NTNG1: variants seen among roughly 807,000 people sequenced by gnomAD.
NTNG1 encodes the protein netrin G1.
A neutral mutation model predicts 54.0 loss-of-function variants in NTNG1; 16 were observed. The observed-to-expected ratio is 0.30, with a 90% confidence interval of 0.20 to 0.45. The LOEUF is 0.45. Ranked by LOEUF, NTNG1 falls within the 20% of genes least tolerant of loss-of-function variation. NTNG1 has a pLI of 1.00. For synonymous variants in NTNG1, 255 were observed against 263.1 expected (o/e 0.97, Z 0.30); for missense variants, 530 against 678.7 (o/e 0.78, Z 2.43).
intron 3 of NTNG1, among the ~76,000 whole-genome samples, chr1:107,384,696 T>C (rs1184278181): frequency 6.6e-6 from 1 of 152,202 alleles, no homozygotes; most frequent in Non-Finnish European, 1.5e-5. Flanking sequence ...TCAAGAACTC[T>C]ATGGAAACCT....
intron 2 of NTNG1, among the ~76,000 whole-genome samples, chr1:107,267,968 A>T (rs1316053747): frequency 6.6e-6 from 1 of 152,130 alleles, no homozygotes; most frequent in Non-Finnish European, 1.5e-5. Context: ...ACTGTGGATA[A>T]ATTGTCCCCA....
chr1:107,182,928 T>A (rs1189116917), intron 2 of NTNG1, among the ~76,000 whole-genome samples: 3 of 152,054 alleles, frequency 2.0e-5, no homozygotes, highest in African/African-American at 7.2e-5. Context: ...AATCACAACA[T>A]CCAAAAATGA....
At chr1:107,294,016 G>C (rs569224140) in intron 2 of NTNG1, among the ~76,000 whole-genome samples, 27 of 152,260 alleles carry the variant, frequency 1.8e-4, no homozygotes, top group African/African-American at 5.5e-4. Context: ...GAGTAAATCA[G>C]ACAGGCAGCA....
chr1:107,455,857 T>C (rs184732338), intron 7 of NTNG1, among the ~76,000 whole-genome samples: 2 of 152,330 alleles, frequency 1.3e-5, no homozygotes, highest in South Asian at 2.1e-4. Context: ...ACACCCTGTC[T>C]CAGCTCCATG....
chr1:107,233,917 TG>T (rs1661228587), intron 2 of NTNG1, among the ~76,000 whole-genome samples: 1 of 152,224 alleles, frequency 6.6e-6, no homozygotes, highest in Admixed American at 6.5e-5. Context: ...ACAGGATTTT[TG>T]TTTCAGAATA....
chr1:107,305,046 T>A (rs1164873260), intron 2 of NTNG1, among the ~76,000 whole-genome samples: 1 of 152,190 alleles, frequency 6.6e-6, no homozygotes, highest in African/African-American at 2.4e-5. Context: ...TTTATCCATG[T>A]CCCTGCAAAA....
intron 2 of NTNG1, among the ~76,000 whole-genome samples, chr1:107,267,714 C>T (rs1663845088): frequency 1.3e-5 from 2 of 152,140 alleles, no homozygotes; most frequent in South Asian, 4.1e-4. Context: ...AGCAATTAGC[C>T]CCTGGCTGCC....
chr1:107,431,031 A>G, intron 6 of NTNG1, 114 bp downstream of exon 6: 1 of 845,954 alleles, frequency 1.2e-6, no homozygotes, highest in Non-Finnish European at 1.8e-6. Context: ...GAACTTTCTC[A>G]ATGTAGAAAA....
intron 2 of NTNG1, among the ~76,000 whole-genome samples, chr1:107,185,935 T>C (rs1328814866): frequency 6.6e-6 from 1 of 152,130 alleles, no homozygotes; most frequent in African/African-American, 2.4e-5. Flanking sequence ...TTATATTCCA[T>C]AGTGGTGAAG....
chr1:107,432,737 A>T (rs1417539115), intron 6 of NTNG1, among the ~76,000 whole-genome samples: 1 of 152,186 alleles, frequency 6.6e-6, no homozygotes, highest in African/African-American at 2.4e-5. Flanking sequence ...ATGTTTTATA[A>T]TATTTAATAT....
chr1:107,402,840 T>C (rs1433834267), intron 4 of NTNG1, among the ~76,000 whole-genome samples: 1 of 152,182 alleles, frequency 6.6e-6, no homozygotes, highest in Non-Finnish European at 1.5e-5. Context: ...AGTCTGGCTA[T>C]AAGATCTAGT....
intron 2 of NTNG1, among the ~76,000 whole-genome samples, chr1:107,219,948 C>T (rs898722391): frequency 9.2e-5 from 14 of 152,070 alleles, no homozygotes; most frequent in South Asian, 4.2e-4. Context: ...TGGGTGGGGC[C>T]ATAGAGCTCC....
At chr1:107,308,591 C>T (rs1195983851) in intron 2 of NTNG1, among the ~76,000 whole-genome samples, 1 of 152,066 alleles carries the variant, frequency 6.6e-6, no homozygotes, top group Admixed American at 6.6e-5. Flanking sequence ...AGTGTGATGC[C>T]TCCAGATTCG....
At chr1:107,325,847 C>A (rs1020641755) in intron 3 of NTNG1, among the ~76,000 whole-genome samples, 1 of 151,908 alleles carries the variant, frequency 6.6e-6, no homozygotes, top group African/African-American at 2.4e-5. Context: ...GTAAAAAGGC[C>A]AAGATATCTT....
At chr1:107,354,575 T>A (rs992091924) in intron 3 of NTNG1, among the ~76,000 whole-genome samples, 1 of 151,996 alleles carries the variant, frequency 6.6e-6, no homozygotes, top group Non-Finnish European at 1.5e-5. Context: ...AGCGCTCAGC[T>A]GCATCCATGG....
intron 2 of NTNG1, among the ~76,000 whole-genome samples, chr1:107,199,591 T>A (rs1253601622): frequency 6.6e-6 from 1 of 151,936 alleles, no homozygotes; most frequent in Non-Finnish European, 1.5e-5. Context: ...GTGTTAATTC[T>A]GAAAAGCGAT....
intron 5 of NTNG1, among the ~76,000 whole-genome samples, chr1:107,426,696 T>C (rs1024325863): frequency 3.9e-5 from 6 of 152,020 alleles, no homozygotes; most frequent in Non-Finnish European, 7.4e-5. Context: ...AACTTCAGGA[T>C]TGGTTTTTCT....
At chr1:107,337,438 G>A (rs1375963440) in intron 3 of NTNG1, among the ~76,000 whole-genome samples, 1 of 151,926 alleles carries the variant, frequency 6.6e-6, no homozygotes, top group African/African-American at 2.4e-5. Context: ...AAGTATAATG[G>A]TGACTGCCAG....
rs185883481 is a variant in NTNG1 at position 107,206,310 on chromosome 1, C to T, written c.246+57471C>T. On this transcript the variant is annotated intron_variant, in intron 2 of 7. Coordinates refer to ENST00000370068, the MANE Select transcript of NTNG1 (RefSeq NM_001113226.3). ...ATCCTCATGAACATTTGATATTTTG[C>T]GTCTTTTTCTCTTTTGCTGTTTCTA... Among the ~76,000 whole-genome samples, 207 of 152,210 alleles carry T rather than the reference C, an allele frequency of 1.4e-3. 2 individuals are homozygous for T. Among genetic ancestry groups the T allele is most frequent in the Middle Eastern group, 6.8e-3 (2 of 294 alleles).
Sources: allele counts gnomAD v4.1 joint callset (sites outside exome capture counted in the v4.1 genomes callset), GRCh38; gene constraint gnomAD v4.1.1; transcripts MANE v1.5; gene names NCBI Gene and HGNC (gene_info 2026-07-23, HGNC 2026-07-21).